MSI1: variants seen among roughly 807,000 people sequenced by gnomAD.
MSI1 encodes musashi RNA binding protein 1.
A neutral mutation model predicts 54.4 loss-of-function variants in MSI1; 15 were observed. The ratio of observed to expected loss-of-function variants is 0.28; its 90% CI spans 0.18 to 0.42. MSI1 has a LOEUF of 0.42. Among genes scored for constraint, MSI1 ranks in the 20% least tolerant of loss-of-function variants. The pLI, the probability that MSI1 is intolerant of heterozygous loss-of-function variation, is 1.00. For missense variants in MSI1, 304 were observed against 506.0 expected (o/e 0.60, Z 3.83); for synonymous variants, 200 against 196.5 (o/e 1.02, Z -0.15).
At chr12:120,358,951 C>T (rs1875388320) in intron 7 of MSI1, 54 bp downstream of exon 7, 1 of 1,544,104 alleles carries the variant, frequency 6.5e-7, no homozygotes, top group South Asian at 1.2e-5. Flanking sequence ...TGACCTGCAG[C>T]CCCCTGGCTG....
At chr12:120,356,789 G>T in intron 9 of MSI1, 113 bp downstream of exon 9, 1 of 930,176 alleles carries the variant, frequency 1.1e-6, no homozygotes, top group Admixed American at 1.9e-5. Context: ...CCTGCTCAAT[G>T]ACTCAGACAG....
At chr12:120,340,150 G>A (rs938330794), downstream of MSI1, among the ~76,000 whole-genome samples, 6 of 149,994 alleles carry the variant, frequency 4.0e-5, no homozygotes, top group Admixed American at 6.7e-5. Flanking sequence ...GCAGTGGCGC[G>A]ACCTTGGCTC....
chr12:120,368,860 C>G lies in MSI1; in HGVS notation c.73G>C (p.Gly25Arg). The G allele has an allele frequency of 6.8e-7, 1 of 1,472,170 alleles. No individual in the cohort carries two copies. Among genetic ancestry groups the G allele is most frequent in the Non-Finnish European group, 9.1e-7 (1 of 1,101,784 alleles). 91.2% of individuals were successfully genotyped at this position (1,472,170 alleles called of 1,614,324 possible). A position where few individuals can be genotyped will look rare whatever the true frequency, so the allele number is the denominator to read the frequency against. ...SPHDPCKMFI[G>R]GLSWQTTQEG... ...TGCGTAGTCTGCCAACTGAGTCCCCCGATGAACATCTTGCTGCGGGAGGAG... is the reference window on the plus strand; with the variant it reads ...TGCGTAGTCTGCCAACTGAGTCCCCGGATGAACATCTTGCTGCGGGAGGAG... Residue 25 changes from glycine (G) to arginine (R), a missense_variant, in exon 2 of 15, where the codon GGG becomes CGG. Gly to Arg is a moderately radical substitution (Grantham distance 125). Coordinates refer to ENST00000257552, the MANE Select transcript of MSI1 (RefSeq NM_002442.4). This position sits in a 1 kb window ranked among gnomAD's most constrained non-coding sequence, Gnocchi z 6.6.
downstream of MSI1, among the ~76,000 whole-genome samples, chr12:120,340,243 C>G (rs370295155): frequency 3.8e-3 from 584 of 152,110 alleles, 4 homozygotes; most frequent in Middle Eastern, 0.017. Context: ...CGTGCCACCA[C>G]ACCCAGCTAA....
Position 120,342,585 on chromosome 12 carries a change from C to T in MSI1, c.*542G>A, listed in dbSNP as rs1450882129. On this transcript the variant is annotated 3_prime_UTR_variant, in exon 15 of 15. Transcript: ENST00000257552. The stretch of plus-strand genomic sequence containing the variant: ...CTCAGCTGGTGGGGGGCACCTGGCC[C>T]CTTGCCCCCTGCGGCCTGGGGCTTC... 6.6e-6 allele frequency: 1 copy of T among 150,982 alleles called. No homozygotes were observed. The highest frequency in any genetic ancestry group is 1.5e-5 in the Non-Finnish European group (1 of 67,650). The allele number at this position is 150,982 out of a possible 1,614,324, so 9.4% of individuals were successfully genotyped here. A position where few individuals can be genotyped will look rare whatever the true frequency, so the allele number is the denominator to read the frequency against.
intron 9 of MSI1, 113 bp downstream of exon 9, chr12:120,356,789 G>C: frequency 2.2e-6 from 2 of 930,180 alleles, no homozygotes; most frequent in Non-Finnish European, 3.4e-6. Flanking sequence ...CCTGCTCAAT[G>C]ACTCAGACAG....
chr12:120,363,102 C>T lies in MSI1; in HGVS notation c.343G>A (p.Gly115Arg). ...VTRTKKIFVGGLSVNTTVEDV... is the reference protein window; with the variant it reads ...VTRTKKIFVGRLSVNTTVEDV... ...TCCACCGTGGTGTTCACCGACAGCC[C>T]CCCCACAAAGATCTTCTTCGTTCGA... Residue 115 changes from glycine (G) to arginine (R), a missense_variant, in exon 6 of 15, where the codon GGG becomes AGG. Physicochemically the swap from Gly to Arg is moderately radical, Grantham distance 125 (BLOSUM62 -2). Coordinates refer to ENST00000257552, the MANE Select transcript of MSI1 (RefSeq NM_002442.4). 6.2e-7 allele frequency: 1 copy of T among 1,614,102 alleles called. No individual in the cohort carries two copies. Among genetic ancestry groups the T allele is most frequent in the South Asian group, 1.1e-5 (1 of 91,082 alleles).
intron 5 of MSI1, among the ~76,000 whole-genome samples, chr12:120,363,775 C>T (rs1319795216): frequency 6.6e-6 from 1 of 152,212 alleles, no homozygotes; most frequent in East Asian, 1.9e-4. Flanking sequence ...TTCAGGCCCT[C>T]TACTGGACCC....
chr12:120,349,336 T>C lies in MSI1; in HGVS notation c.791-1822A>G, dbSNP rs574940334. On this transcript the variant is annotated intron_variant, in intron 11 of 14. Transcript: ENST00000257552. ...CTGGTCTCAAACTCTTGACCTCAGG[T>C]GATCTGCCTGCCTCAGGTTCCCAAA... Among the ~76,000 whole-genome samples, 35 of 152,232 alleles carry C rather than the reference T, an allele frequency of 2.3e-4. No individual in the cohort carries two copies. In the South Asian group the frequency reaches 7.1e-3, roughly 31 times the overall value.
chr12:120,355,176 C>A (rs1285552559), intron 9 of MSI1, among the ~76,000 whole-genome samples: 3 of 151,476 alleles, frequency 2.0e-5, no homozygotes, highest in African/African-American at 7.3e-5. Flanking sequence ...GAGGCTGAGG[C>A]GGGCAGATCA....
intron 4 of MSI1, among the ~76,000 whole-genome samples, 164 bp downstream of exon 4, chr12:120,367,844 C>G (rs183735318): frequency 6.6e-6 from 1 of 152,086 alleles, no homozygotes; most frequent in Non-Finnish European, 1.5e-5. Flanking sequence ...CCTCTCCCCC[C>G]CAACTCTAGT....
At chr12:120,349,403 T>C (rs966990343) in intron 11 of MSI1, among the ~76,000 whole-genome samples, 1 of 151,800 alleles carries the variant, frequency 6.6e-6, no homozygotes, top group African/African-American at 2.4e-5. Context: ...CCAGCTAATT[T>C]TTGTATTTTT....
In MSI1 at chr12:120,368,194, G is replaced by C; in HGVS notation, c.180C>G (p.Ser60=). The change falls in exon 3 of 15, where the codon TCC becomes TCG. Residue 60 remains serine (S), a splice_region_variant and synonymous_variant. Coordinates refer to ENST00000257552, the MANE Select transcript of MSI1 (RefSeq NM_002442.4). The surrounding 1 kb of genome is among the most constrained non-coding windows in gnomAD (Gnocchi z 6.6). ...GGAGGAGGGGGTGAGGGGCTCACCTGGATCTCTTGGTCAGGGGGTCCCGCA... is the reference window on the plus strand; with the variant it reads ...GGAGGAGGGGGTGAGGGGCTCACCTCGATCTCTTGGTCAGGGGGTCCCGCA... ...LVMRDPLTKR[S]RGFGFVTFMD... 1 of 1,582,942 alleles carries C rather than the reference G, an allele frequency of 6.3e-7. No homozygotes were observed. The highest frequency in any genetic ancestry group is 8.6e-7 in the Non-Finnish European group (1 of 1,163,804).
chr12:120,366,555 G>A (rs891693966), intron 4 of MSI1, among the ~76,000 whole-genome samples: 2 of 151,922 alleles, frequency 1.3e-5, no homozygotes, highest in Admixed American at 6.6e-5. Context: ...CCCAAGCCAC[G>A]ATCCCACAGA....
rs540025209 is a variant in MSI1 at position 120,358,041 on chromosome 12, T to C, written c.452-143A>G. 8 of 685,716 alleles carry C rather than the reference T, an allele frequency of 1.2e-5. No individual in the cohort carries two copies. In the African/African-American group the frequency reaches 1.2e-4, roughly 11 times the overall value. The allele number at this position is 685,716 out of a possible 1,614,324, so 42.5% of individuals were successfully genotyped here. ...AGGCTCTGCTCACAGCCTGGAATCCTCTCAACTATCCACTGAGACAGGGTT... is the reference window on the plus strand; with the variant it reads ...AGGCTCTGCTCACAGCCTGGAATCCCCTCAACTATCCACTGAGACAGGGTT... On this transcript the variant is annotated intron_variant, in intron 7 of 14. Transcript: ENST00000257552.
chr12:120,366,901 G>A (rs1182316493), intron 4 of MSI1, among the ~76,000 whole-genome samples: 1 of 152,104 alleles, frequency 6.6e-6, no homozygotes, highest in Non-Finnish European at 1.5e-5. Flanking sequence ...CTGAGGACAG[G>A]GGATGGTAGC....
In MSI1 at chr12:120,369,117, C is replaced by G; in HGVS notation, c.-26G>C. 1 of 1,005,912 alleles carries G rather than the reference C, an allele frequency of 9.9e-7. No homozygotes were observed. The highest frequency in any genetic ancestry group is 1.2e-6 in the Non-Finnish European group (1 of 848,224). 62.3% of individuals were successfully genotyped at this position (1,005,912 alleles called of 1,614,324 possible). ...CGGGAGCCGCGGGCGGCGCGGGCAG[C>G]GGAGCGGCGGCGGCGGCGGCGGCGG... On this transcript the variant is annotated 5_prime_UTR_variant, in exon 1 of 15. Transcript: ENST00000257552.
At chr12:120,356,877 G>A (rs1037897150) in intron 9 of MSI1, 25 bp downstream of exon 9, 44 of 1,603,978 alleles carry the variant, frequency 2.7e-5, no homozygotes, top group Admixed American at 5.0e-5. Context: ...GCAGAAAGAA[G>A]CCGCAGGCGC....
At chr12:120,343,926 G>A (rs181965562) in intron 14 of MSI1, among the ~76,000 whole-genome samples, 4 of 152,184 alleles carry the variant, frequency 2.6e-5, no homozygotes, top group African/African-American at 7.2e-5. Flanking sequence ...GCCTGATCTC[G>A]GCTCACTGCA....
Sources: gnomAD v4.1 joint callset for allele counts (sites outside exome capture counted in the v4.1 genomes callset) on GRCh38, gnomAD v4.1.1 for gene constraint, Gnocchi (gnomAD v3.1) non-coding constraint, MANE v1.5 for transcripts, NCBI Gene and HGNC (gene_info 2026-07-23, HGNC 2026-07-21) for gene names.